MCM10: variants seen among roughly 807,000 people sequenced by gnomAD.
The protein encoded by MCM10 is protein MCM10 homolog.
A neutral mutation model predicts 109.9 loss-of-function variants in MCM10; 91 were observed. The ratio of observed to expected loss-of-function variants is 0.83; its 90% CI spans 0.70 to 0.99. The LOEUF is 0.99. Ranked by LOEUF, MCM10 falls within the 50% of genes least tolerant of loss-of-function variation. The probability of loss-of-function intolerance (pLI) is 0.00; values close to 1 mark genes in which losing one functional copy is unlikely to be tolerated. For missense variants in MCM10, 1,077 were observed against 1,061.2 expected (o/e 1.01, Z -0.21); for synonymous variants, 380 against 387.2 (o/e 0.98, Z 0.22).
Position 13,209,923 on chromosome 10 carries a change from TTTGAAA to T in MCM10, c.*618_*623del, listed in dbSNP as rs1430103254. ...CAATTCTGTTATCTCTGTTTTACTC[TTTGAAA>T]TTGATCAAGCCACTGAATCACTTTG... On this transcript the variant is annotated 3_prime_UTR_variant, in exon 20 of 20. Coordinates refer to ENST00000378714, the MANE Select transcript of MCM10 (RefSeq NM_018518.5). 1 of 152,504 alleles carries T rather than the reference TTTGAAA, an allele frequency of 6.6e-6. No individual in the cohort carries two copies. Among genetic ancestry groups the T allele is most frequent in the South Asian group, 2.1e-4 (1 of 4,846 alleles). 9.4% of individuals were successfully genotyped at this position (152,504 alleles called of 1,614,324 possible). A position where few individuals can be genotyped will look rare whatever the true frequency, so the allele number is the denominator to read the frequency against.
At chr10:13,203,825 A>G (rs777366741) in intron 17 of MCM10, among the ~76,000 whole-genome samples, 1 of 152,154 alleles carries the variant, frequency 6.6e-6, no homozygotes, top group African/African-American at 2.4e-5. Flanking sequence ...ATCAGTCTAA[A>G]TAGATCCCAA....
chr10:13,201,671 G>C, intron 17 of MCM10, 137 bp downstream of exon 17: 10 of 666,810 alleles, frequency 1.5e-5, no homozygotes, highest in South Asian at 1.5e-4. Flanking sequence ...AGCAAAGGGC[G>C]CAGGTGGCCC....
intron 14 of MCM10, among the ~76,000 whole-genome samples, chr10:13,196,989 A>G (rs1233228768): frequency 6.6e-6 from 1 of 151,994 alleles, no homozygotes; most frequent in Admixed American, 6.6e-5. Flanking sequence ...CAGTGGTGCA[A>G]TCACAGCTCA....
Position 13,210,976 on chromosome 10 carries a change from T to C in MCM10, c.*1666T>C, listed in dbSNP as rs914690611. 1 of 152,206 alleles carries C rather than the reference T, an allele frequency of 6.6e-6. No homozygotes were observed. Among genetic ancestry groups the C allele is most frequent in the Non-Finnish European group, 1.5e-5 (1 of 68,034 alleles). 9.4% of individuals were successfully genotyped at this position (152,206 alleles called of 1,614,324 possible). ...GTTCTTGTTTGAACAGAGGGTATCATTGCAGTCAGTATTCACGTGTATATT... is the reference window on the plus strand; with the variant it reads ...GTTCTTGTTTGAACAGAGGGTATCACTGCAGTCAGTATTCACGTGTATATT... On this transcript the variant is annotated 3_prime_UTR_variant, in exon 20 of 20. Coordinates refer to ENST00000378714, the MANE Select transcript of MCM10 (RefSeq NM_018518.5).
chr10:13,206,614 C>T (rs1182897042), intron 18 of MCM10, among the ~76,000 whole-genome samples: 1 of 152,020 alleles, frequency 6.6e-6, no homozygotes, highest in African/African-American at 2.4e-5. Context: ...TGATACTTGA[C>T]TTTTTTCCAA....
At chr10:13,163,074 C>CA (rs34121679) in intron 1 of MCM10, among the ~76,000 whole-genome samples, 4,082 of 115,422 alleles carry the variant, frequency 0.035, 179 homozygotes, top group African/African-American at 0.11. Flanking sequence ...GACTCCGTCT[C>CA]AAAAAAAAAA....
intron 15 of MCM10, 152 bp downstream of exon 15, chr10:13,197,919 T>A (rs962533101): frequency 2.8e-5 from 2 of 71,394 alleles, no homozygotes; most frequent in Non-Finnish European, 3.8e-5. Context: ...TGGAACTGAT[T>A]TTTTTTTTTT....
In MCM10 at chr10:13,170,932, C is replaced by T. The variant is rs769749567; in HGVS notation, c.18C>T (p.Asp6=). ...CTTCTTTTCCCCTAGAGGAGGAAGA[C>T]AATCTGTCTCTGCTGACCGCACTGC... MDEEE[D]NLSLLTALLE... Residue 6 remains aspartate, a synonymous_variant, in exon 3 of 20, where the codon GAC becomes GAT. Transcript: ENST00000378714. The T allele has an allele frequency of 1.1e-5, 18 of 1,612,614 alleles. No individual in the cohort carries two copies. In the African/African-American group the frequency reaches 2.1e-4, roughly 19 times the overall value.
At chr10:13,163,617 A>G (rs932460476) in intron 1 of MCM10, among the ~76,000 whole-genome samples, 1 of 149,722 alleles carries the variant, frequency 6.7e-6, no homozygotes, top group African/African-American at 2.4e-5. Context: ...TGTCGTGGAT[A>G]ACGCAGATGT....
chr10:13,171,134 C>T lies in MCM10; in HGVS notation c.220C>T (p.Leu74=). 6.2e-7 allele frequency: 1 copy of T among 1,614,192 alleles called. No individual in the cohort carries two copies. Among genetic ancestry groups the T allele is most frequent in the Non-Finnish European group, 8.5e-7 (1 of 1,180,036 alleles). ...AGAGACAAGAGACGAAAAGGAAAAT[C>T]TGGCCACTCTCTTTGGAGATATGGA... ...TGETRDEKEN[L]ATLFGDMEDL... The change falls in exon 3 of 20, where the codon CTG becomes TTG. Residue 74 remains leucine (L), a synonymous_variant. Coordinates refer to ENST00000378714, the MANE Select transcript of MCM10 (RefSeq NM_018518.5).
intron 1 of MCM10, among the ~76,000 whole-genome samples, chr10:13,163,599 C>T (rs1833956224): frequency 6.6e-6 from 1 of 152,152 alleles, no homozygotes; most frequent in Non-Finnish European, 1.5e-5. Context: ...TAGAATCATA[C>T]AGTAAGCTGT....
Position 13,192,245 on chromosome 10 carries a change from C to G in MCM10, c.1517-10C>G. The G allele has an allele frequency of 6.3e-7, 1 of 1,591,532 alleles. No homozygotes were observed. Among genetic ancestry groups the G allele is most frequent in the African/African-American group, 1.3e-5 (1 of 74,532 alleles). On this transcript the variant is annotated splice_polypyrimidine_tract_variant and intron_variant, in intron 11 of 19. Transcript: ENST00000378714. ...GTGAATCCTCTAAAGCTGGTGTTGA[C>G]CTGGCACAGGAATACCCCAGAAGAG...
At chr10:13,192,647 A>G in intron 13 of MCM10, 79 bp downstream of exon 13, 1 of 1,323,684 alleles carries the variant, frequency 7.6e-7, no homozygotes, top group South Asian at 1.2e-5. Flanking sequence ...CGATTTCCAG[A>G]ATGTGACTTC....
intron 5 of MCM10, among the ~76,000 whole-genome samples, chr10:13,173,896 G>C (rs1349552044): frequency 6.6e-6 from 1 of 152,074 alleles, no homozygotes; most frequent in Non-Finnish European, 1.5e-5. Flanking sequence ...AAGTCCCTTT[G>C]AGGGCAAACA....
rs760087243 is a variant in MCM10, at chr10:13,208,965, G to A, written c.2499-126G>A. 7.1e-5 allele frequency: 52 copies of A among 728,760 alleles called. 1 individual carries two copies. The East Asian group carries it at 9.9e-4, about 14-fold the overall frequency. 45.1% of individuals were successfully genotyped at this position (728,760 alleles called of 1,614,324 possible). ...TAACCTCAGATTTGGCATACAATACGAATGTCACCTTGAACAGCTTCTCCT... is the reference window on the plus strand; with the variant it reads ...TAACCTCAGATTTGGCATACAATACAAATGTCACCTTGAACAGCTTCTCCT... On this transcript the variant is annotated intron_variant, in intron 18 of 19. Coordinates refer to ENST00000378714, the MANE Select transcript of MCM10 (RefSeq NM_018518.5).
Position 13,192,279 on chromosome 10 carries a change from G to T in MCM10, c.1541G>T (p.Cys514Phe), listed in dbSNP as rs189117948. The change falls in exon 12 of 20, where the codon TGC becomes TTC. Residue 514 changes from cysteine (C) to phenylalanine (F), a missense_variant. Physicochemically the swap from Cys to Phe is radical, Grantham distance 205. Transcript: ENST00000378714. ...KLGIPQKSLS[C>F]SEEFKELMDL... is the part of the protein sequence containing the mutation. The stretch of plus-strand genomic sequence containing the variant: ...GGAATACCCCAGAAGAGCCTGTCTT[G>T]CTCTGAGGAGTTCAAGGAACTGATG... 5.4e-5 allele frequency: 87 copies of T among 1,614,080 alleles called. 2 individuals carry two copies. The Admixed American group carries it at 1.3e-3, about 25-fold the overall frequency.
intron 18 of MCM10, among the ~76,000 whole-genome samples, chr10:13,207,922 C>T (rs149338671): frequency 3.1e-3 from 469 of 152,278 alleles, no homozygotes; most frequent in Non-Finnish European, 4.9e-3. Flanking sequence ...CCCACCCCAC[C>T]CCAACCCTCT....
At chr10:13,178,856 A>G (rs1012862951) in intron 6 of MCM10, among the ~76,000 whole-genome samples, 2 of 152,168 alleles carry the variant, frequency 1.3e-5, no homozygotes, top group African/African-American at 4.8e-5. Context: ...CTATTTTTCC[A>G]TATTTGGTAT....
At chr10:13,186,864 C>T (rs771919110) in intron 9 of MCM10, among the ~76,000 whole-genome samples, 5 of 152,024 alleles carry the variant, frequency 3.3e-5, no homozygotes, top group East Asian at 1.9e-4. Context: ...TGGTGGTGGG[C>T]GCCTGTAGTT....
Sources: gnomAD v4.1 joint callset for allele counts (sites outside exome capture counted in the v4.1 genomes callset) on GRCh38, gnomAD v4.1.1 for gene constraint, MANE v1.5 for transcripts, NCBI Gene and HGNC (gene_info 2026-07-23, HGNC 2026-07-21) for gene names.